RBFOX3: variants seen among roughly 807,000 people sequenced by gnomAD.
The protein encoded by RBFOX3 is RNA binding protein fox-1 homolog 3.
RBFOX3 carries 17 observed loss-of-function variants against 48.7 expected under a neutral mutation model. That is an observed-to-expected ratio of 0.35 (90% CI 0.24 to 0.52). The LOEUF (loss-of-function observed/expected upper bound fraction) is 0.52, where lower values mean the gene tolerates loss of function less well. Ranked by LOEUF, RBFOX3 falls within the 20% of genes least tolerant of loss-of-function variation. The probability of loss-of-function intolerance (pLI) is 0.94; values close to 1 mark genes in which losing one functional copy is unlikely to be tolerated. For missense variants in RBFOX3, 382 were observed against 497.5 expected, an observed-to-expected ratio of 0.77 and a Z score of 2.21; for synonymous variants, 212 against 209.5, an observed-to-expected ratio of 1.01 and a Z score of -0.10.
chr17:79,409,478 A>C (rs982356901), intron 2 of RBFOX3, among the ~76,000 whole-genome samples: 4 of 152,172 alleles, frequency 2.6e-5, no homozygotes, highest in African/African-American at 9.7e-5. Context: ...AAGGGTTCCA[A>C]TGTTTCCACA....
At chr17:79,175,138 G>T (rs2050258948) in intron 4 of RBFOX3, among the ~76,000 whole-genome samples, 1 of 152,252 alleles carries the variant, frequency 6.6e-6, no homozygotes, top group South Asian at 2.1e-4. Context: ...CGCCAGGGCA[G>T]CGGTGACTCA....
the RBFOX3 span, among the ~76,000 whole-genome samples, chr17:79,650,481 A>T: frequency 9.9e-5 from 15 of 152,068 alleles, no homozygotes; most frequent in Non-Finnish European, 2.1e-4. Flanking sequence ...GCACCCTGCC[A>T]GCCTCATTGC....
chr17:79,101,067 G>A (rs1365485933), intron 9 of RBFOX3, among the ~76,000 whole-genome samples: 1 of 152,080 alleles, frequency 6.6e-6, no homozygotes, highest in Non-Finnish European at 1.5e-5. Context: ...ATTTGTCATC[G>A]AACAGCTCTG....
intron 1 of RBFOX3, among the ~76,000 whole-genome samples, chr17:79,592,792 G>T (rs1479570352): frequency 1.3e-5 from 2 of 152,202 alleles, no homozygotes; most frequent in African/African-American, 4.8e-5. Flanking sequence ...GCCCTTGACA[G>T]GGAAATGTAC....
chr17:79,597,108 C>T (rs1185267332), intron 1 of RBFOX3, among the ~76,000 whole-genome samples: 1 of 152,214 alleles, frequency 6.6e-6, no homozygotes, highest in Admixed American at 6.5e-5. Flanking sequence ...GTGGCTGCCA[C>T]ACACATTCAC....
intron 2 of RBFOX3, among the ~76,000 whole-genome samples, chr17:79,347,332 C>G (rs1210845373): frequency 6.6e-6 from 1 of 152,082 alleles, no homozygotes; most frequent in African/African-American, 2.4e-5. Flanking sequence ...TCCCTCTTAT[C>G]TCTTCTTTTT....
chr17:79,312,397 T>C (rs1352559452), intron 2 of RBFOX3, among the ~76,000 whole-genome samples: 5 of 151,914 alleles, frequency 3.3e-5, no homozygotes, highest in African/African-American at 9.7e-5. Flanking sequence ...AGGAAGGGGC[T>C]GTGGTCTGAG....
chr17:79,182,780 C>T lies in RBFOX3; in HGVS notation c.-34+52986G>A, dbSNP rs1171693305. Among the ~76,000 whole-genome samples, 3 of 151,922 alleles carry T rather than the reference C, an allele frequency of 2.0e-5. No homozygotes were observed. The East Asian group carries it at 5.8e-4, about 30-fold the overall frequency. The stretch of plus-strand genomic sequence containing the variant: ...GGGTGGCCCACCTCCCCCGCCTCCC[C>T]GGAGGCCCGGCGCGCGGTCTGCGCT... On this transcript the variant is annotated intron_variant, in intron 4 of 14. Coordinates refer to ENST00000693108, the MANE Select transcript of RBFOX3 (RefSeq NM_001350451.2).
intron 3 of RBFOX3, among the ~76,000 whole-genome samples, chr17:79,297,694 C>T (rs936753309): frequency 1.4e-4 from 22 of 152,234 alleles, no homozygotes; most frequent in African/African-American, 3.9e-4. Flanking sequence ...TAAACACAGC[C>T]GGCCACACTG....
chr17:79,650,776 G>A, the RBFOX3 span, among the ~76,000 whole-genome samples: 3 of 152,076 alleles, frequency 2.0e-5, no homozygotes, highest in Non-Finnish European at 4.4e-5. Context: ...TCCACCCATG[G>A]CCCCCGAGGG....
At chr17:79,545,667 G>T (rs1294445183) in intron 1 of RBFOX3, among the ~76,000 whole-genome samples, 1 of 152,204 alleles carries the variant, frequency 6.6e-6, no homozygotes, top group African/African-American at 2.4e-5. Flanking sequence ...TTCCCCAGGG[G>T]ACGCTGTCCA....
intron 2 of RBFOX3, among the ~76,000 whole-genome samples, chr17:79,409,418 C>A (rs529433441): frequency 7.4e-4 from 112 of 152,354 alleles, no homozygotes; most frequent in Non-Finnish European, 5.4e-4. Flanking sequence ...TTTTGAGGAA[C>A]TGCCACCCTG....
chr17:79,339,063 CTT>C (rs71365555), intron 2 of RBFOX3, among the ~76,000 whole-genome samples: 179 of 146,578 alleles, frequency 1.2e-3, no homozygotes, highest in Non-Finnish European at 2.0e-3. Flanking sequence ...CTTTTCTTTT[CTT>C]TTTTTTTTTT....
In RBFOX3 at chr17:79,285,511, C is replaced by T. The variant is rs192469003; in HGVS notation, c.-74+22213G>A. On this transcript the variant is annotated intron_variant, in intron 3 of 14. Coordinates refer to ENST00000693108, the MANE Select transcript of RBFOX3 (RefSeq NM_001350451.2). ...TAGCATACAATGCCCTGAAACCTTT[C>T]CATCAAGTAGGTAAAGATCTGTAAA... Among the ~76,000 whole-genome samples, 5 of 152,310 alleles carry T rather than the reference C, an allele frequency of 3.3e-5. No individual in the cohort carries two copies. In the East Asian group the frequency reaches 9.6e-4, roughly 29 times the overall value.
chr17:79,569,398 G>C (rs1305286943), intron 1 of RBFOX3, among the ~76,000 whole-genome samples: 1 of 152,168 alleles, frequency 6.6e-6, no homozygotes, highest in Non-Finnish European at 1.5e-5. Context: ...CCATGCTGTA[G>C]ACTGTCAGAG....
chr17:79,126,135 A>G (rs2037195571), intron 4 of RBFOX3, among the ~76,000 whole-genome samples: 1 of 152,198 alleles, frequency 6.6e-6, no homozygotes, highest in Non-Finnish European at 1.5e-5. Flanking sequence ...GATCTGGGAC[A>G]CCTCAGACTT....
intron 2 of RBFOX3, among the ~76,000 whole-genome samples, chr17:79,450,768 C>T (rs897151470): frequency 6.6e-6 from 1 of 152,046 alleles, no homozygotes; most frequent in Admixed American, 6.6e-5. Flanking sequence ...GGCAAGGATT[C>T]GACGGAGCTC....
At chr17:79,643,483 C>T in the RBFOX3 span, among the ~76,000 whole-genome samples, 2 of 152,146 alleles carry the variant, frequency 1.3e-5, no homozygotes, top group Non-Finnish European at 2.9e-5. Context: ...CTGCCAAATA[C>T]TCATTCTTTT....
intron 1 of RBFOX3, among the ~76,000 whole-genome samples, chr17:79,491,048 AAAGGAGAGGGGAGGGGAGGGGAGGGGAGG>A (rs2080448202): frequency 2.2e-5 from 1 of 45,270 alleles, no homozygotes; most frequent in Non-Finnish European, 4.1e-5. Flanking sequence ...GGAGGGGAGG[AAAGGAGAGGGGAGGGGAGGGGAGGGGAGG>A]CGAGGGGAGG....
Sources: allele counts gnomAD v4.1 joint callset (sites outside exome capture counted in the v4.1 genomes callset), GRCh38; gene constraint gnomAD v4.1.1; transcripts MANE v1.5; gene names NCBI Gene and HGNC (gene_info 2026-07-23, HGNC 2026-07-21).